ARSF: variants seen among roughly 807,000 people sequenced by gnomAD.
The protein encoded by ARSF is arylsulfatase F.
Under a neutral mutation model 35.4 loss-of-function variants are expected in ARSF, and 33 were observed. The observed-to-expected ratio is 0.93, with a 90% CI of 0.71 to 1.25. The LOEUF (loss-of-function observed/expected upper bound fraction) is 1.25, where lower values mean the gene tolerates loss of function less well. Ranked by LOEUF, ARSF falls within the 50% of genes most tolerant of loss-of-function variation. ARSF has a pLI of 0.00. For missense variants in ARSF, 501 were observed against 480.2 expected, an observed-to-expected ratio of 1.04 and a Z score of -0.40; for synonymous variants, 222 against 193.1, an observed-to-expected ratio of 1.15 and a Z score of -1.24.
chrX:3,074,304 T>G (rs2090130862), intron 3 of ARSF, among the ~76,000 whole-genome samples: 1 of 111,183 alleles, frequency 9.0e-6, no homozygotes, highest in Non-Finnish European at 1.9e-5. Flanking sequence ...GAATGCAGTT[T>G]ACAATTTTTT....
intron 7 of ARSF, among the ~76,000 whole-genome samples, chrX:3,092,633 C>G (rs1298403718): frequency 8.9e-6 from 1 of 112,073 alleles, no homozygotes; most frequent in Non-Finnish European, 1.9e-5. Flanking sequence ...CTGAGATGTA[C>G]ATGATACTGG....
chrX:3,080,652 G>A (rs1472244046), intron 4 of ARSF, among the ~76,000 whole-genome samples: 5 of 110,110 alleles, frequency 4.5e-5, no homozygotes, highest in African/African-American at 9.9e-5. Flanking sequence ...CATACACGGC[G>A]CCCTCTTGCT....
At chrX:3,109,631 A>G (rs2090431233) in intron 9 of ARSF, among the ~76,000 whole-genome samples, 1 of 110,516 alleles carries the variant, frequency 9.0e-6, no homozygotes, top group South Asian at 3.9e-4. Flanking sequence ...TAATGTTCCC[A>G]TCTTCATGTT....
intron 5 of ARSF, among the ~76,000 whole-genome samples, chrX:3,083,092 C>A (rs981134496): frequency 9.1e-6 from 1 of 109,628 alleles, no homozygotes; most frequent in African/African-American, 3.3e-5. Context: ...ATTCATCTAT[C>A]CTATCTATCT....
rs148149568 is a variant in ARSF, at chrX:3,093,742, G to A, written c.967+4110G>A. On this transcript the variant is annotated intron_variant, in intron 7 of 10. Transcript: ENST00000381127. The stretch of plus-strand genomic sequence containing the variant: ...TTGGTAGAATGATTTATTTCCCTTT[G>A]GGTAGACACCCAGTAATGGCATTGC... 1.9e-3 allele frequency among the ~76,000 whole-genome samples: 215 copies of A among 111,482 alleles called. 1 individual carries two copies. Among genetic ancestry groups the A allele is most frequent in the African/African-American group, 6.9e-3 (213 of 30,704 alleles).
intron 1 of ARSF, among the ~76,000 whole-genome samples, chrX:3,055,717 G>A (rs1416977089): frequency 9.0e-6 from 1 of 111,143 alleles, no homozygotes; most frequent in African/African-American, 3.3e-5. Flanking sequence ...TCGTCCCTGG[G>A]TTGGATAATT....
Position 3,110,249 on chromosome X carries a change from G to C in ARSF, c.1387G>C (p.Asp463His). 1 of 1,172,367 alleles carries C rather than the reference G, an allele frequency of 8.5e-7. No individual in the cohort carries two copies. The highest frequency in any genetic ancestry group is 1.1e-6 in the Non-Finnish European group (1 of 873,705). ...CGCCGTGCGGTGGATCCCCAAGGAC[G>C]ACAGTGAGTGCTCAACCCGTTGCTT... ...LHAVRWIPKD[D>H]SGSVWKAHYV... The change falls in exon 10 of 11, where the codon GAC becomes CAC. Residue 463 changes from aspartate to histidine, a missense_variant. Physicochemically the swap from Asp to His is moderately conservative, Grantham distance 81. Coordinates refer to ENST00000381127, the MANE Select transcript of ARSF (RefSeq NM_001201539.2).
chrX:3,056,488 C>G (rs931301943), intron 1 of ARSF, among the ~76,000 whole-genome samples: 3 of 110,575 alleles, frequency 2.7e-5, no homozygotes, highest in Non-Finnish European at 5.7e-5. Context: ...GTTGGCCAGG[C>G]TGGTCTCGAA....
intron 1 of ARSF, among the ~76,000 whole-genome samples, chrX:3,065,215 C>T (rs1307474153): frequency 1.0e-5 from 1 of 98,025 alleles, no homozygotes; most frequent in African/African-American, 3.9e-5. Context: ...TGTTCTCACT[C>T]ATAGGTGGTA....
intron 1 of ARSF, among the ~76,000 whole-genome samples, chrX:3,062,987 C>T (rs1250846922): frequency 9.0e-6 from 1 of 111,642 alleles, no homozygotes; most frequent in Non-Finnish European, 1.9e-5. Context: ...CAAAGCCTGG[C>T]AGAGACACAA....
At chrX:3,073,797 G>A (rs1323344684) in intron 3 of ARSF, among the ~76,000 whole-genome samples, 1 of 100,518 alleles carries the variant, frequency 9.9e-6, no homozygotes, top group Non-Finnish European at 2.1e-5. Flanking sequence ...ATGTGAATAT[G>A]TATATTCAGC....
intron 7 of ARSF, among the ~76,000 whole-genome samples, chrX:3,091,350 C>A (rs2090288445): frequency 8.9e-6 from 1 of 112,515 alleles, no homozygotes; most frequent in Non-Finnish European, 1.9e-5. Context: ...GAATCCAGTA[C>A]CCTCATGAAC....
rs373638757 is a variant in ARSF, at chrX:3,076,626, A to G, written c.240A>G (p.Pro80=). 2.5e-6 allele frequency: 3 copies of G among 1,209,563 alleles called. No individual in the cohort carries two copies. The African/African-American group carries it at 5.3e-5, about 21-fold the overall frequency. ...QHISAASLCS[P]SRSAFLTGRY... ...TCTCTGCCGCCTCCCTCTGCAGCCC[A>G]AGCCGGTCCGCGTTCTTGACGGGAA... The change falls in exon 4 of 11, where the codon CCA becomes CCG. Residue 80 remains proline, a synonymous_variant. Coordinates refer to ENST00000381127, the MANE Select transcript of ARSF (RefSeq NM_001201539.2).
At chrX:3,082,318 G>A (rs1187432761) in intron 5 of ARSF, among the ~76,000 whole-genome samples, 2 of 110,903 alleles carry the variant, frequency 1.8e-5, no homozygotes, top group Admixed American at 9.6e-5. Flanking sequence ...AGCTATCATC[G>A]GTCATCTCTC....
Position 3,076,606 on chromosome X carries a change from G to T in ARSF, c.220G>T (p.Ala74Ser). The part of the protein sequence containing the change: ...EGVRLTQHIS[A>S]ASLCSPSRSA... ...CGTGCGACTGACTCAGCACATCTCT[G>T]CCGCCTCCCTCTGCAGCCCAAGCCG... is the stretch of plus-strand genomic sequence containing the variant. Residue 74 changes from alanine (A) to serine (S), a missense_variant, in exon 4 of 11, where the codon GCC (alanine) becomes TCC (serine). Transcript: ENST00000381127. 1 of 1,210,510 alleles carries T rather than the reference G, an allele frequency of 8.3e-7. No homozygotes were observed. The highest frequency in any genetic ancestry group is 1.7e-5 in the African/African-American group (1 of 57,641).
chrX:3,070,358 C>A (rs1363439831), intron 2 of ARSF, among the ~76,000 whole-genome samples: 1 of 111,029 alleles, frequency 9.0e-6, no homozygotes, highest in Admixed American at 9.6e-5. Context: ...AAGGATCACA[C>A]ACACCCACAT....
chrX:3,104,882 G>A (rs2147545001), intron 9 of ARSF, among the ~76,000 whole-genome samples: 1 of 112,155 alleles, frequency 8.9e-6, no homozygotes, highest in Admixed American at 9.5e-5. Context: ...CCTAGTCTCT[G>A]GTGTGAAAGA....
chrX:3,053,804 C>G (rs1374605619), intron 1 of ARSF, among the ~76,000 whole-genome samples: 1 of 95,275 alleles, frequency 1.0e-5, no homozygotes, highest in Non-Finnish European at 2.1e-5. Flanking sequence ...TCTTGTCATT[C>G]AGGCTAGAGT....
intron 3 of ARSF, among the ~76,000 whole-genome samples, chrX:3,075,498 A>C (rs867281926): frequency 3.3e-4 from 28 of 83,797 alleles, no homozygotes; most frequent in African/African-American, 6.5e-4. Context: ...GTCTCTTTCT[A>C]TCTCTCTCTC....
Sources: gnomAD v4.1 joint callset for allele counts (sites outside exome capture counted in the v4.1 genomes callset) on GRCh38, gnomAD v4.1.1 for gene constraint, MANE v1.5 for transcripts, NCBI Gene and HGNC (gene_info 2026-07-23, HGNC 2026-07-21) for gene names.